SHROOM3: variants seen among roughly 807,000 people sequenced by gnomAD.
The protein encoded by SHROOM3 is shroom family member 3, also known as protein Shroom3.
In SHROOM3, 47 loss-of-function variants were observed where a neutral mutation model predicts 138.6. The ratio of observed to expected loss-of-function variants is 0.34; its 90% CI spans 0.27 to 0.43. The LOEUF (loss-of-function observed/expected upper bound fraction) is 0.43. Ranked by LOEUF, SHROOM3 falls within the 20% of genes least tolerant of loss-of-function variation. The pLI, the probability that SHROOM3 is intolerant of heterozygous loss-of-function variation, is 1.00. For missense variants in SHROOM3, 2,491 were observed against 2,596.5 expected, an observed-to-expected ratio of 0.96 and a Z score of 0.88; for synonymous variants, 1,062 against 1,063.3, an observed-to-expected ratio of 1.00 and a Z score of 0.02.
intron 1 of SHROOM3, among the ~76,000 whole-genome samples, chr4:76,482,746 A>G (rs1393469009): frequency 6.6e-6 from 1 of 152,218 alleles, no homozygotes; most frequent in Admixed American, 6.5e-5. Context: ...CTAACTTCAA[A>G]CTATACTATA....
chr4:76,590,242 C>T (rs1734237638), intron 2 of SHROOM3, among the ~76,000 whole-genome samples: 1 of 152,188 alleles, frequency 6.6e-6, no homozygotes, highest in African/African-American at 2.4e-5. Flanking sequence ...TTGAGGACAG[C>T]ACCCTCTCTC....
Position 76,597,724 on chromosome 4 carries a change from A to G in SHROOM3, c.323+41961A>G, listed in dbSNP as rs533084253. ...TTCTTAATCATAGGTTAATGAAATA[A>G]TTGCTAAATGAGATCTGGCTTCTAG... On this transcript the variant is annotated intron_variant, in intron 2 of 10. Transcript: ENST00000296043. 2.8e-4 allele frequency among the ~76,000 whole-genome samples: 42 copies of G among 152,338 alleles called. 2 individuals are homozygous for G. In the South Asian group the frequency reaches 8.7e-3, roughly 32 times the overall value.
intron 2 of SHROOM3, among the ~76,000 whole-genome samples, chr4:76,659,878 A>G (rs902640318): frequency 1.3e-5 from 2 of 152,164 alleles, no homozygotes; most frequent in Non-Finnish European, 2.9e-5. Context: ...CACCGCACCC[A>G]GCCTGAGAAA....
rs1278629403 is a variant in SHROOM3 at position 76,620,680 on chromosome 4, G to A, written c.323+64917G>A. 5.9e-5 allele frequency among the ~76,000 whole-genome samples: 9 copies of A among 152,296 alleles called. No individual in the cohort carries two copies. The South Asian group carries it at 1.2e-3, about 21-fold the overall frequency. On this transcript the variant is annotated intron_variant, in intron 2 of 10. Transcript: ENST00000296043. ...CCGACTACAGGGGATTAATAAATGT[G>A]AGTGGAGAACGGTGAGGCAGAGGCG...
At chr4:76,579,017 AT>A (rs1279232696) in intron 2 of SHROOM3, among the ~76,000 whole-genome samples, 1 of 152,128 alleles carries the variant, frequency 6.6e-6, no homozygotes, top group African/African-American at 2.4e-5. Flanking sequence ...ATTTTAAAAA[AT>A]TTAAAAAAAA....
At chr4:76,698,236 G>T (rs1476660769) in intron 2 of SHROOM3, among the ~76,000 whole-genome samples, 7 of 152,196 alleles carry the variant, frequency 4.6e-5, no homozygotes, top group East Asian at 1.9e-4. Context: ...AACGAATCTT[G>T]GATATTATGG....
rs372725674 is a variant in SHROOM3 at position 76,778,990 on chromosome 4, A to T, written c.5804A>T (p.Gln1935Leu). The T allele has an allele frequency of 1.2e-6, 2 of 1,614,058 alleles. No individual in the cohort carries two copies. Among genetic ancestry groups the T allele is most frequent in the Non-Finnish European group, 1.7e-6 (2 of 1,180,038 alleles). ...VKMKSTLLIE[Q>L]RKLDDKIKLG... is the part of the protein sequence containing the mutation. ...ATGAAGTCCACGCTCCTCATTGAGC[A>T]ACGGAAGCTGGATGACAAGATCAAG... is the stretch of plus-strand genomic sequence containing the variant. The change falls in exon 11 of 11, where the codon CAA becomes CTA. Residue 1935 changes from glutamine to leucine, a missense_variant. Gln to Leu is a moderately radical substitution (Grantham distance 113, BLOSUM62 -2). Transcript: ENST00000296043.
chr4:76,681,594 G>GGTGTGTGTGTGTGTGTGTGT lies in SHROOM3; in HGVS notation c.324-28541_324-28522dup, dbSNP rs558707266. 3.9e-3 allele frequency among the ~76,000 whole-genome samples: 318 copies of GGTGTGTGTGTGTGTGTGTGT among 80,950 alleles called. 2 individuals carry two copies. Among genetic ancestry groups the GGTGTGTGTGTGTGTGTGTGT allele is most frequent in the South Asian group, 5.7e-3 (9 of 1,566 alleles). 53.1% of individuals were successfully genotyped at this position (80,950 alleles called of 152,430 possible). A position where few individuals can be genotyped will look rare whatever the true frequency, so the allele number is the denominator to read the frequency against. ...TGTAAGAAGCTTAGGCAGAGTCTAGGGTGTGTGTGTGTGTGTGTGTGTGTG... is the reference window on the plus strand; with the variant it reads ...TGTAAGAAGCTTAGGCAGAGTCTAGGGTGTGTGTGTGTGTGTGTGTGTGTGTGTGTGTGTGTGTGTGTGTG... On this transcript the variant is annotated intron_variant, in intron 2 of 10. Coordinates refer to ENST00000296043, the MANE Select transcript of SHROOM3 (RefSeq NM_020859.4).
intron 1 of SHROOM3, among the ~76,000 whole-genome samples, chr4:76,501,784 AGGG>A (rs1299419673): frequency 1.3e-5 from 2 of 152,214 alleles, no homozygotes; most frequent in African/African-American, 2.4e-5. Flanking sequence ...GCATGCCAGC[AGGG>A]TGGTATACCC....
intron 2 of SHROOM3, among the ~76,000 whole-genome samples, chr4:76,628,151 T>C (rs1225108375): frequency 6.6e-6 from 1 of 152,200 alleles, no homozygotes; most frequent in Non-Finnish European, 1.5e-5. Flanking sequence ...TAAAAAGTTT[T>C]AGAAAGTGAG....
At chr4:76,646,577 C>T (rs532603650) in intron 2 of SHROOM3, among the ~76,000 whole-genome samples, 13 of 152,014 alleles carry the variant, frequency 8.6e-5, no homozygotes, top group Non-Finnish European at 1.8e-4. Context: ...TCACATAACA[C>T]GGTACTTCAG....
chr4:76,646,459 A>G (rs1735824622), intron 2 of SHROOM3, among the ~76,000 whole-genome samples: 1 of 151,826 alleles, frequency 6.6e-6, no homozygotes. Flanking sequence ...CTTTAATTCA[A>G]TCTTCACCTA....
intron 1 of SHROOM3, among the ~76,000 whole-genome samples, chr4:76,518,566 C>T (rs528877143): frequency 2.1e-5 from 3 of 144,726 alleles, no homozygotes; most frequent in African/African-American, 5.2e-5. Context: ...TTCCTTCCTT[C>T]TTGCCTGCTT....
chr4:76,511,970 C>G (rs189738314), intron 1 of SHROOM3, among the ~76,000 whole-genome samples: 1 of 152,182 alleles, frequency 6.6e-6, no homozygotes, highest in East Asian at 1.9e-4. Flanking sequence ...GGCCAGGGGC[C>G]TAGTTGAGAC....
At chr4:76,548,833 G>T (rs146510982) in intron 1 of SHROOM3, among the ~76,000 whole-genome samples, 15 of 152,316 alleles carry the variant, frequency 9.8e-5, no homozygotes, top group Middle Eastern at 3.4e-3. Flanking sequence ...TCCAATGTGC[G>T]GATATACACC....
At chr4:76,680,046 A>G (rs1392829548) in intron 2 of SHROOM3, among the ~76,000 whole-genome samples, 5 of 152,182 alleles carry the variant, frequency 3.3e-5, no homozygotes, top group Admixed American at 3.3e-4. Flanking sequence ...GAGAGCTTCA[A>G]GGTTGAAAAG....
chr4:76,634,397 T>C (rs1197136511), intron 2 of SHROOM3, among the ~76,000 whole-genome samples: 1 of 152,152 alleles, frequency 6.6e-6, no homozygotes, highest in African/African-American at 2.4e-5. Context: ...AATGACAACA[T>C]AGAACACAGC....
At chr4:76,571,587 G>A (rs1353606753) in intron 2 of SHROOM3, among the ~76,000 whole-genome samples, 3 of 152,152 alleles carry the variant, frequency 2.0e-5, no homozygotes, top group Admixed American at 6.5e-5. Flanking sequence ...TGGCAGAGGC[G>A]TTAGAGTGCA....
chr4:76,551,948 G>GC (rs1733365342), intron 1 of SHROOM3, among the ~76,000 whole-genome samples: 1 of 150,450 alleles, frequency 6.6e-6, no homozygotes, highest in Non-Finnish European at 1.5e-5. Context: ...TGCAAGCTCT[G>GC]CCTCCTGGGT....
Sources: gnomAD v4.1 joint callset for allele counts (sites outside exome capture counted in the v4.1 genomes callset) on GRCh38, gnomAD v4.1.1 for gene constraint, MANE v1.5 for transcripts, NCBI Gene and HGNC (gene_info 2026-07-23, HGNC 2026-07-21) for gene names.